RASSF3: variants seen among roughly 807,000 people sequenced by gnomAD.
RASSF3 encodes the protein ras association domain-containing protein 3.
Under a neutral mutation model 19.9 loss-of-function variants are expected in RASSF3, and 19 were observed. The observed-to-expected ratio is 0.96, with a 90% confidence interval of 0.67 to 1.40. RASSF3 has a LOEUF of 1.40. Among genes scored for constraint, RASSF3 ranks in the 40% most tolerant of loss-of-function variants. RASSF3 has a pLI of 0.00. For missense variants in RASSF3, 306 were observed against 289.8 expected (o/e 1.06, Z -0.41); for synonymous variants, 110 against 104.2 (o/e 1.06, Z -0.34).
intron 2 of RASSF3, among the ~76,000 whole-genome samples, chr12:64,601,654 T>A (rs1054826611): frequency 7.9e-5 from 12 of 151,548 alleles, no homozygotes; most frequent in Non-Finnish European, 1.5e-5. Flanking sequence ...GGACCCCGTC[T>A]CTACAAAAAA....
At chr12:64,550,741 G>A (rs772071509) in intron 2 of RASSF3, among the ~76,000 whole-genome samples, 1 of 148,720 alleles carries the variant, frequency 6.7e-6, no homozygotes, top group Admixed American at 6.8e-5. Flanking sequence ...GGAGAATTGC[G>A]TGAGCCCAGG....
chr12:64,585,460 A>G (rs985503917), intron 2 of RASSF3, among the ~76,000 whole-genome samples: 2 of 152,202 alleles, frequency 1.3e-5, no homozygotes, highest in South Asian at 2.1e-4. Context: ...GAACTTTGGG[A>G]ATATAGTACA....
intron 1 of RASSF3, among the ~76,000 whole-genome samples, chr12:64,634,598 A>G (rs1043045894): frequency 6.6e-6 from 1 of 151,836 alleles, no homozygotes; most frequent in African/African-American, 2.4e-5. Context: ...TTTTGCTTCA[A>G]TTTTAGCAGA....
chr12:64,617,035 T>C (rs1167162875), intron 1 of RASSF3, among the ~76,000 whole-genome samples: 1 of 152,240 alleles, frequency 6.6e-6, no homozygotes, highest in Non-Finnish European at 1.5e-5. Flanking sequence ...CTACATAATA[T>C]AAATGCTTGG....
chr12:64,618,335 T>G (rs1459025724), intron 1 of RASSF3, among the ~76,000 whole-genome samples: 1 of 152,158 alleles, frequency 6.6e-6, no homozygotes, highest in African/African-American at 2.4e-5. Flanking sequence ...AATTTTATTT[T>G]TATTTTTTTT....
At chr12:64,516,576 G>A (rs1233860008) in intron 1 of RASSF3, among the ~76,000 whole-genome samples, 12 of 142,204 alleles carry the variant, frequency 8.4e-5, no homozygotes, top group Non-Finnish European at 1.5e-4. Flanking sequence ...CCGAGATCCC[G>A]CCACTGCACT....
chr12:64,584,194 A>G (rs1869752220), intron 2 of RASSF3, among the ~76,000 whole-genome samples: 1 of 152,260 alleles, frequency 6.6e-6, no homozygotes, highest in South Asian at 2.1e-4. Context: ...CTTTGATGCC[A>G]GCTTGATTTC....
At chr12:64,625,255 C>T (rs1291922388) in intron 1 of RASSF3, among the ~76,000 whole-genome samples, 1 of 151,982 alleles carries the variant, frequency 6.6e-6, no homozygotes, top group Non-Finnish European at 1.5e-5. Flanking sequence ...CATACCATAT[C>T]ACTGTGGTGC....
upstream of RASSF3, among the ~76,000 whole-genome samples, chr12:64,606,768 T>A (rs977489121): frequency 2.6e-5 from 4 of 151,970 alleles, no homozygotes; most frequent in African/African-American, 9.7e-5. Flanking sequence ...TGAGCTGAGA[T>A]CATAGCACTG....
intron 1 of RASSF3, among the ~76,000 whole-genome samples, chr12:64,513,523 G>T (rs1332326113): frequency 6.6e-6 from 1 of 151,588 alleles, no homozygotes; most frequent in Non-Finnish European, 1.5e-5. Context: ...AATCTCAGGA[G>T]ATATATAATA....
intron 2 of RASSF3, among the ~76,000 whole-genome samples, chr12:64,598,126 C>T (rs1870025691): frequency 1.3e-5 from 2 of 152,224 alleles, no homozygotes; most frequent in South Asian, 4.1e-4. Context: ...ACCATGTTGG[C>T]CAAGCTGACC....
intron 2 of RASSF3, among the ~76,000 whole-genome samples, chr12:64,591,560 T>A (rs1030549431): frequency 1.3e-5 from 2 of 152,146 alleles, no homozygotes; most frequent in African/African-American, 2.4e-5. Flanking sequence ...GCCACACTTG[T>A]TTTGTCCATT....
chr12:64,656,828 A>C lies in RASSF3; in HGVS notation c.112-27959A>C, dbSNP rs73321754. Among the ~76,000 whole-genome samples, 1,020 of 152,316 alleles carry C rather than the reference A, an allele frequency of 6.7e-3. 14 individuals carry two copies. The highest frequency in any genetic ancestry group is 0.024 in the African/African-American group (986 of 41,578). ...AAAGTAGCAGTCTAAAGTAAGAGAAAAATTCTGACATGGAATAATGTGGAT... is the reference window on the plus strand; with the variant it reads ...AAAGTAGCAGTCTAAAGTAAGAGAACAATTCTGACATGGAATAATGTGGAT... On this transcript the variant is annotated intron_variant, in intron 1 of 4. Coordinates refer to ENST00000542104, the MANE Select transcript of RASSF3 (RefSeq NM_178169.4).
intron 2 of RASSF3, among the ~76,000 whole-genome samples, chr12:64,569,594 C>T (rs1191816821): frequency 6.6e-6 from 1 of 152,212 alleles, no homozygotes; most frequent in African/African-American, 2.4e-5. Context: ...GTGGGCTGAT[C>T]CAAGAATACG....
At chr12:64,595,264 C>T (rs1371172177) in intron 2 of RASSF3, among the ~76,000 whole-genome samples, 1 of 151,854 alleles carries the variant, frequency 6.6e-6, no homozygotes, top group African/African-American at 2.4e-5. Context: ...GAAGGGGTTT[C>T]ACCATGTTGG....
chr12:64,520,686 T>C (rs1868460968), intron 1 of RASSF3, among the ~76,000 whole-genome samples: 1 of 151,062 alleles, frequency 6.6e-6, no homozygotes. Context: ...TTTCTGTTAC[T>C]ATTCTTGCTA....
At chr12:64,534,556 T>C (rs1868781395) in intron 1 of RASSF3, among the ~76,000 whole-genome samples, 1 of 152,192 alleles carries the variant, frequency 6.6e-6, no homozygotes, top group South Asian at 2.1e-4. Flanking sequence ...TTTCCCACTT[T>C]ACTCTCACCA....
At chr12:64,543,383 G>A (rs1372930974), downstream of RASSF3, among the ~76,000 whole-genome samples, 1 of 124,994 alleles carries the variant, frequency 8.0e-6, no homozygotes, top group African/African-American at 2.7e-5. Flanking sequence ...GCAGGGCTCG[G>A]GACCTGCAGC....
chr12:64,508,613 G>A (rs868844293), intron 1 of RASSF3, among the ~76,000 whole-genome samples: 4 of 151,328 alleles, frequency 2.6e-5, no homozygotes, highest in South Asian at 2.1e-4. Flanking sequence ...GACCGGGCGC[G>A]GCGGCTCATG....
Sources: gnomAD v4.1 joint callset for allele counts (sites outside exome capture counted in the v4.1 genomes callset) on GRCh38, gnomAD v4.1.1 for gene constraint, MANE v1.5 for transcripts, NCBI Gene and HGNC (gene_info 2026-07-23, HGNC 2026-07-21) for gene names.